The following TMTC3 variants were observed in gnomAD, a reference collection of about 807,000 sequenced individuals.
TMTC3 encodes transmembrane O-mannosyltransferase targeting cadherins 3, also known as protein O-mannosyl-transferase TMTC3.
In TMTC3, 52 loss-of-function variants were observed where a neutral mutation model predicts 92.2. The ratio of observed to expected loss-of-function variants is 0.56; its 90% CI spans 0.45 to 0.71. The LOEUF is 0.71. TMTC3 is among the 30% of genes least tolerant of loss of function. The pLI is 0.00. For synonymous variants in TMTC3, 339 were observed against 363.3 expected (o/e 0.93, Z 0.76); for missense variants, 896 against 1,057.1 (o/e 0.85, Z 2.11).
intron 9 of TMTC3, among the ~76,000 whole-genome samples, chr12:88,174,929 G>A (rs1032359430): frequency 3.3e-5 from 5 of 152,014 alleles, no homozygotes; most frequent in South Asian, 2.1e-4. Flanking sequence ...TATGTCCAAA[G>A]CATATATGAT....
intron 12 of TMTC3, 76 bp from the exon 13 acceptor site, chr12:88,192,528 A>T: frequency 8.6e-7 from 1 of 1,161,474 alleles, no homozygotes. Flanking sequence ...GGAAAGGCTT[A>T]AAACTTGGCA....
intron 4 of TMTC3, among the ~76,000 whole-genome samples, chr12:88,154,795 T>C (rs1020266322): frequency 1.3e-5 from 2 of 152,176 alleles, no homozygotes; most frequent in Non-Finnish European, 2.9e-5. Context: ...ATATAACTTT[T>C]ATTGTGTGTT....
chr12:88,192,028 C>T lies in TMTC3; in HGVS notation c.1707-576C>T, dbSNP rs376178721. Among the ~76,000 whole-genome samples, 918 of 122,630 alleles carry T rather than the reference C, an allele frequency of 7.5e-3. 5 individuals carry two copies. Among genetic ancestry groups the T allele is most frequent in the African/African-American group, 0.019 (622 of 33,230 alleles). The allele number at this position is 122,630 out of a possible 152,430, so 80.5% of individuals were successfully genotyped here. A position where few individuals can be genotyped will look rare whatever the true frequency, so the allele number is the denominator to read the frequency against. On this transcript the variant is annotated intron_variant, in intron 12 of 13. Transcript: ENST00000266712. ...CCAGCATTTTTCTTTTTTTTTTTTT[C>T]TTTTTTTTTTTTAAGAATGGTCGTA...
At chr12:88,181,075 A>C (rs2041312964) in intron 10 of TMTC3, among the ~76,000 whole-genome samples, 2 of 152,196 alleles carry the variant, frequency 1.3e-5, no homozygotes, top group African/African-American at 4.8e-5. Context: ...TACCTGTGGA[A>C]TGTTGGATGT....
chr12:88,193,735 G>A (rs2041469995), intron 13 of TMTC3, among the ~76,000 whole-genome samples: 1 of 152,114 alleles, frequency 6.6e-6, no homozygotes, highest in African/African-American at 2.4e-5. Flanking sequence ...AGAATAGAGA[G>A]AAGTCTTTAT....
At chr12:88,185,103 T>A (rs559485385) in intron 10 of TMTC3, among the ~76,000 whole-genome samples, 1 of 152,292 alleles carries the variant, frequency 6.6e-6, no homozygotes, top group East Asian at 1.9e-4. Flanking sequence ...AGACTATACA[T>A]GTTTAAAATA....
chr12:88,181,692 G>A (rs2041319547), intron 10 of TMTC3, among the ~76,000 whole-genome samples: 3 of 152,172 alleles, frequency 2.0e-5, no homozygotes, highest in Admixed American at 1.3e-4. Context: ...TTAAGCTTCT[G>A]TAATAAATAG....
At position 88,194,800 on chromosome 12, in the gene TMTC3, T is replaced by C. The variant is rs550836250; in HGVS notation, c.1934-38T>C. 3 of 1,294,958 alleles carry C rather than the reference T, an allele frequency of 2.3e-6. No homozygotes were observed. The African/African-American group carries it at 4.5e-5, about 20-fold the overall frequency. The allele number at this position is 1,294,958 out of a possible 1,614,324, so 80.2% of individuals were successfully genotyped here. ...CTTTGTTCCTCACATTTAATTATTT[T>C]ATTAACAATATATTTTTTCTTTAAA... On this transcript the variant is annotated intron_variant, in intron 13 of 13. Coordinates refer to ENST00000266712, the MANE Select transcript of TMTC3 (RefSeq NM_181783.4).
At chr12:88,166,717 A>AT (rs2041147699) in intron 7 of TMTC3, 135 bp downstream of exon 7, 1 of 999,252 alleles carries the variant, frequency 1.0e-6, no homozygotes. Context: ...TTATAAACGT[A>AT]TTTGAGTTTA....
chr12:88,180,709 C>T (rs7134848), intron 10 of TMTC3, among the ~76,000 whole-genome samples: 10,534 of 151,982 alleles, frequency 0.069, 1,240 homozygotes, highest in African/African-American at 0.24. Flanking sequence ...TGGGTCCTAG[C>T]GACACCATAG....
chr12:88,170,376 ACTTTT>A (rs894719869), intron 7 of TMTC3, among the ~76,000 whole-genome samples: 2 of 152,134 alleles, frequency 1.3e-5, no homozygotes, highest in Admixed American at 6.5e-5. Flanking sequence ...ATATTCAGGA[ACTTTT>A]CTTTATCTGT....
At chr12:88,191,139 T>G (rs1479759013) in intron 12 of TMTC3, among the ~76,000 whole-genome samples, 1 of 152,274 alleles carries the variant, frequency 6.6e-6, no homozygotes, top group Non-Finnish European at 1.5e-5. Context: ...TGAGGAAAAA[T>G]GTGTTTTTAA....
At chr12:88,194,761 G>C (rs766791530) in intron 13 of TMTC3, 77 bp from the exon 14 acceptor site, 38 of 948,084 alleles carry the variant, frequency 4.0e-5, no homozygotes, top group Non-Finnish European at 4.4e-5. Flanking sequence ...TGTAATCTAA[G>C]TATTTGAAAA....
chr12:88,188,950 A>C lies in TMTC3; in HGVS notation c.1536+4A>C. On this transcript the variant is annotated splice_donor_region_variant and intron_variant, in intron 11 of 13. Transcript: ENST00000266712. The stretch of plus-strand genomic sequence containing the variant: ...GGCTAAATCACTGATGCCTCAAGTA[A>C]GTTGCCATAATTTATCTATTGTGTC... 1 of 1,531,340 alleles carries C rather than the reference A, an allele frequency of 6.5e-7. No homozygotes were observed. 94.9% of individuals were successfully genotyped at this position (1,531,340 alleles called of 1,614,324 possible).
rs1192495058 is a variant in TMTC3 at position 88,153,366 on chromosome 12, C to A, written c.265C>A (p.Pro89Thr). 6.2e-7 allele frequency: 1 copy of A among 1,613,252 alleles called. No individual in the cohort carries two copies. Among genetic ancestry groups the A allele is most frequent in the Non-Finnish European group, 8.5e-7 (1 of 1,179,632 alleles). The stretch of plus-strand genomic sequence containing the variant: ...AAATTATTTGTTAAGTGAACTAAAA[C>A]CAATGTCATATCATCTCCTGAATAT... The part of the protein sequence containing the change: ...RLNYLLSELK[P>T]MSYHLLNMIF... The change falls in exon 3 of 14, where the codon CCA becomes ACA. Residue 89 changes from proline to threonine, a missense_variant. Pro to Thr is a conservative substitution (Grantham distance 38). Transcript: ENST00000266712.
chr12:88,144,845 C>G (rs563560828), intron 1 of TMTC3, among the ~76,000 whole-genome samples: 49 of 152,278 alleles, frequency 3.2e-4, no homozygotes, highest in Non-Finnish European at 6.0e-4. Flanking sequence ...AGTTCAATAA[C>G]TCACTGTATA....
In TMTC3 at chr12:88,188,936, T is replaced by C. The variant is rs1427163019; in HGVS notation, c.1526T>C (p.Leu509Pro). The C allele has an allele frequency of 6.3e-7, 1 of 1,585,954 alleles. No individual in the cohort carries two copies. Among genetic ancestry groups the C allele is most frequent in the Non-Finnish European group, 8.6e-7 (1 of 1,161,158 alleles). The change falls in exon 11 of 14, where the codon CTG (leucine) becomes CCG (proline). Residue 509 changes from leucine (L) to proline (P), a missense_variant. By Grantham distance (98) the Leu-to-Pro change is moderately conservative. Transcript: ENST00000266712. ...GAATCTTACATGATGGCTAAATCAC[T>C]GATGCCTCAAGTAAGTTGCCATAAT... Reference protein sequence around the residue: ...AEESYMMAKSLMPQIIPGKKY... With the variant: ...AEESYMMAKSPMPQIIPGKKY...
chr12:88,161,618 AATC>A (rs1269956147), intron 6 of TMTC3, among the ~76,000 whole-genome samples: 1 of 151,700 alleles, frequency 6.6e-6, no homozygotes, highest in African/African-American at 2.4e-5. Context: ...TGTCTCATCT[AATC>A]TTTGTTCCTT....
chr12:88,148,866 GT>G (rs966981931), intron 2 of TMTC3, among the ~76,000 whole-genome samples: 4 of 152,012 alleles, frequency 2.6e-5, no homozygotes, highest in African/African-American at 7.2e-5. Flanking sequence ...CCAATAGGTA[GT>G]TTTGGCTTAA....
Sources: allele counts gnomAD v4.1 joint callset (sites outside exome capture counted in the v4.1 genomes callset), GRCh38; gene constraint gnomAD v4.1.1; transcripts MANE v1.5; gene names NCBI Gene and HGNC (gene_info 2026-07-23, HGNC 2026-07-21).